GALNT14: variants seen among roughly 807,000 people sequenced by gnomAD.
GALNT14 encodes polypeptide N-acetylgalactosaminyltransferase 14.
GALNT14 carries 60 observed loss-of-function variants against 77.5 expected under a neutral mutation model. The observed-to-expected ratio is 0.77, with a 90% CI of 0.63 to 0.96. GALNT14 has a LOEUF of 0.96. GALNT14 is among the 40% of genes least tolerant of loss of function. GALNT14 has a pLI of 0.00. For missense variants in GALNT14, 710 were observed against 731.0 expected (o/e 0.97, Z 0.33); for synonymous variants, 280 against 281.7 (o/e 0.99, Z 0.06).
chr2:30,888,582 G>A, the GALNT14 span, among the ~76,000 whole-genome samples: 5 of 152,256 alleles, frequency 3.3e-5, no homozygotes, highest in South Asian at 1.0e-3. Flanking sequence ...TGTTACAACT[G>A]GAACAACAAT....
Position 30,997,577 on chromosome 2 carries a change from C to A in GALNT14, c.130-4570G>T, listed in dbSNP as rs1333554591. Among the ~76,000 whole-genome samples, 6 of 152,282 alleles carry A rather than the reference C, an allele frequency of 3.9e-5. No individual in the cohort carries two copies. In the East Asian group the frequency reaches 1.2e-3, roughly 29 times the overall value. Reference sequence around the variant, plus strand: ...GTGGGGCCTTCATCAGCACCCATGGCCCCCAAGCAAGCCCCCGCTTCACTT... The same window carrying A: ...GTGGGGCCTTCATCAGCACCCATGGACCCCAAGCAAGCCCCCGCTTCACTT... On this transcript the variant is annotated intron_variant, in intron 1 of 14. Transcript: ENST00000349752.
the GALNT14 span, among the ~76,000 whole-genome samples, chr2:30,894,758 G>A: frequency 6.6e-6 from 1 of 152,190 alleles, no homozygotes; most frequent in African/African-American, 2.4e-5. Context: ...CTGTTGCAGG[G>A]GAGGGTGGTG....
chr2:30,993,870 C>T (rs1347119044), intron 1 of GALNT14, among the ~76,000 whole-genome samples: 14 of 152,170 alleles, frequency 9.2e-5, no homozygotes, highest in Non-Finnish European at 2.1e-4. Context: ...AAGGGAATGC[C>T]TCCTAGCCAC....
At chr2:31,050,199 G>A (rs965410119) in intron 1 of GALNT14, among the ~76,000 whole-genome samples, 3 of 152,162 alleles carry the variant, frequency 2.0e-5, no homozygotes, top group Non-Finnish European at 2.9e-5. Flanking sequence ...CAGGCCTCTC[G>A]CTAAACCTGA....
intron 1 of GALNT14, among the ~76,000 whole-genome samples, chr2:31,007,199 G>A (rs1245565628): frequency 6.6e-6 from 1 of 152,192 alleles, no homozygotes; most frequent in Non-Finnish European, 1.5e-5. Flanking sequence ...TCAACCAAGG[G>A]CGGGTTTAGT....
intron 1 of GALNT14, among the ~76,000 whole-genome samples, chr2:31,037,226 T>C (rs998660597): frequency 6.6e-6 from 1 of 152,246 alleles, no homozygotes; most frequent in Admixed American, 6.5e-5. Context: ...TTTGCAAGTT[T>C]ATTGACTCTT....
chr2:31,088,770 T>G (rs1308748330), intron 1 of GALNT14, among the ~76,000 whole-genome samples: 1 of 152,142 alleles, frequency 6.6e-6, no homozygotes, highest in African/African-American at 2.4e-5. Flanking sequence ...ATGGGAATGA[T>G]GTACTGAGAT....
intron 2 of GALNT14, among the ~76,000 whole-genome samples, chr2:30,977,774 A>T (rs967355238): frequency 1.3e-5 from 2 of 152,108 alleles, no homozygotes; most frequent in Non-Finnish European, 2.9e-5. Context: ...GGAGGGAAAA[A>T]GCAAAGGCTT....
At position 30,992,888 on chromosome 2, in the gene GALNT14, C is replaced by G; in HGVS notation, c.249G>C (p.Glu83Asp). 6.2e-7 allele frequency: 1 copy of G among 1,614,172 alleles called. No homozygotes were observed. The highest frequency in any genetic ancestry group is 8.5e-7 in the Non-Finnish European group (1 of 1,180,020). Residue 83 changes from glutamate (E) to aspartate (D), a missense_variant, in exon 2 of 15, where the codon GAG (glutamate) becomes GAC (aspartate). Physicochemically the swap from Glu to Asp is conservative, Grantham distance 45. Coordinates refer to ENST00000349752, the MANE Select transcript of GALNT14 (RefSeq NM_024572.4). ...PYKLYAFNQR[E>D]SERISSNRAI... ...CCCGATTGCTGGAGATCCGCTCACT[C>G]TCCCGCTGGTTGAAAGCATACAGCT...
chr2:31,003,669 C>T (rs1481539515), intron 1 of GALNT14, among the ~76,000 whole-genome samples: 1 of 152,216 alleles, frequency 6.6e-6, no homozygotes, highest in Non-Finnish European at 1.5e-5. Flanking sequence ...TGCATTACAA[C>T]TTTGGGGGAA....
At chr2:30,887,377 T>C in the GALNT14 span, among the ~76,000 whole-genome samples, 2 of 152,294 alleles carry the variant, frequency 1.3e-5, no homozygotes, top group East Asian at 3.9e-4. Context: ...TCCTTGCTAA[T>C]AATTATTTTC....
At chr2:30,963,275 G>C (rs986081304) in intron 3 of GALNT14, among the ~76,000 whole-genome samples, 2 of 152,166 alleles carry the variant, frequency 1.3e-5, no homozygotes, top group Non-Finnish European at 2.9e-5. Context: ...GAGGAGCCGC[G>C]CTGTACCTCC....
At chr2:31,040,519 G>A (rs1673036964) in intron 1 of GALNT14, among the ~76,000 whole-genome samples, 1 of 152,130 alleles carries the variant, frequency 6.6e-6, no homozygotes, top group African/African-American at 2.4e-5. Context: ...ACAGTGCTCT[G>A]GAACTCTGAG....
At chr2:30,960,374 T>C (rs1377213919) in intron 3 of GALNT14, among the ~76,000 whole-genome samples, 1 of 152,178 alleles carries the variant, frequency 6.6e-6, no homozygotes, top group Admixed American at 6.5e-5. Context: ...GCCAGCTCTT[T>C]GAAATTCAAG....
At chr2:30,957,559 C>A (rs1041698410) in intron 4 of GALNT14, among the ~76,000 whole-genome samples, 2 of 152,166 alleles carry the variant, frequency 1.3e-5, no homozygotes, top group African/African-American at 2.4e-5. Context: ...GATCTCATTA[C>A]TCTAGGCCTC....
intron 2 of GALNT14, among the ~76,000 whole-genome samples, chr2:30,990,959 T>C (rs1669661063): frequency 6.6e-6 from 1 of 152,178 alleles, no homozygotes; most frequent in Non-Finnish European, 1.5e-5. Flanking sequence ...CTGGGCTAGG[T>C]GCAAAGCCCG....
chr2:30,902,276 C>T, the GALNT14 span, among the ~76,000 whole-genome samples: 1 of 152,208 alleles, frequency 6.6e-6, no homozygotes. Context: ...TTGGCTGCAT[C>T]ACCCTCAGGT....
intron 1 of GALNT14, among the ~76,000 whole-genome samples, chr2:31,135,873 G>C (rs540910468): frequency 6.6e-6 from 1 of 152,194 alleles, no homozygotes; most frequent in African/African-American, 2.4e-5. Context: ...GCCTGTGATA[G>C]ATGTGTGCTG....
chr2:30,958,953 GC>G (rs1236915352), intron 3 of GALNT14, among the ~76,000 whole-genome samples: 4 of 152,258 alleles, frequency 2.6e-5, no homozygotes, highest in East Asian at 3.9e-4. Context: ...TAAACTGACA[GC>G]CCCCCAGGGG....
Sources: gnomAD v4.1 joint callset for allele counts (sites outside exome capture counted in the v4.1 genomes callset) on GRCh38, gnomAD v4.1.1 for gene constraint, MANE v1.5 for transcripts, NCBI Gene and HGNC (gene_info 2026-07-23, HGNC 2026-07-21) for gene names.